The following OCIAD1 variants were observed in gnomAD, a reference collection of about 807,000 sequenced individuals.
The protein encoded by OCIAD1 is OCIA domain-containing protein 1.
OCIAD1 carries 29 observed loss-of-function variants against 38.9 expected under a neutral mutation model. The observed-to-expected ratio is 0.74, with a 90% CI of 0.55 to 1.02. The LOEUF is 1.02. OCIAD1 is among the 50% of genes least tolerant of loss of function. The pLI, the probability that OCIAD1 is intolerant of heterozygous loss-of-function variation, is 0.00. For missense variants in OCIAD1, 288 were observed against 289.6 expected, an observed-to-expected ratio of 0.99 and a Z score of 0.04; for synonymous variants, 110 against 92.0, an observed-to-expected ratio of 1.20 and a Z score of -1.12.
intron 1 of OCIAD1, among the ~76,000 whole-genome samples, chr4:48,823,164 G>A (rs572697818): frequency 1.3e-5 from 2 of 152,214 alleles, no homozygotes; most frequent in South Asian, 4.1e-4. Flanking sequence ...TGATAGACCG[G>A]ATAAAGAAAA....
chr4:48,846,506 T>C (rs1388774684), intron 4 of OCIAD1, among the ~76,000 whole-genome samples: 1 of 152,116 alleles, frequency 6.6e-6, no homozygotes, highest in African/African-American at 2.4e-5. Context: ...CCCAGCACTT[T>C]GGGAGGCTGA....
Position 48,860,710 on chromosome 4 carries a change from A to G in OCIAD1, c.701-15A>G, listed in dbSNP as rs1210879542. 3.2e-6 allele frequency: 5 copies of G among 1,559,704 alleles called. No homozygotes were observed. Among genetic ancestry groups the G allele is most frequent in the African/African-American group, 2.7e-5 (2 of 73,708 alleles). ...TATTGCTTGGAATCATCAATTATTT[A>G]TGCTTTTTTCCTAGTCAAAGTAAAC... On this transcript the variant is annotated splice_polypyrimidine_tract_variant and intron_variant, in intron 8 of 8. Coordinates refer to ENST00000264312, the MANE Select transcript of OCIAD1 (RefSeq NM_017830.4).
intron 1 of OCIAD1, among the ~76,000 whole-genome samples, chr4:48,809,343 G>A (rs999906111): frequency 9.9e-5 from 15 of 152,020 alleles, no homozygotes; most frequent in African/African-American, 3.1e-4. Context: ...CCAACTTGGC[G>A]AAACCCCATC....
chr4:48,811,679 G>A (rs1777089656), intron 1 of OCIAD1, among the ~76,000 whole-genome samples: 1 of 152,124 alleles, frequency 6.6e-6, no homozygotes, highest in Non-Finnish European at 1.5e-5. Context: ...ATAATGAGAA[G>A]GGATCAGATT....
At chr4:48,811,107 T>C (rs1777085430) in intron 1 of OCIAD1, among the ~76,000 whole-genome samples, 1 of 152,114 alleles carries the variant, frequency 6.6e-6, no homozygotes, top group African/African-American at 2.4e-5. Context: ...TCCATCCACC[T>C]TGGACTCCCA....
intron 8 of OCIAD1, 97 bp from the exon 9 acceptor site, chr4:48,860,628 G>A (rs1016027986): frequency 9.6e-6 from 9 of 937,190 alleles, no homozygotes; most frequent in Non-Finnish European, 1.6e-5. Flanking sequence ...ATTCAAATGA[G>A]AGAGAAACAT....
At chr4:48,810,068 T>C (rs1444696527) in intron 1 of OCIAD1, among the ~76,000 whole-genome samples, 1 of 152,154 alleles carries the variant, frequency 6.6e-6, no homozygotes, top group Non-Finnish European at 1.5e-5. Flanking sequence ...CTAAATGAAA[T>C]GATACATGTA....
chr4:48,817,394 G>T (rs1448474830), intron 1 of OCIAD1, among the ~76,000 whole-genome samples: 3 of 151,444 alleles, frequency 2.0e-5, no homozygotes, highest in Non-Finnish European at 2.9e-5. Flanking sequence ...TGGCACCTGG[G>T]ACTGTGCTAC....
intron 6 of OCIAD1, among the ~76,000 whole-genome samples, chr4:48,851,576 AG>A (rs1338033269): frequency 1.3e-5 from 2 of 152,006 alleles, no homozygotes; most frequent in African/African-American, 4.8e-5. Flanking sequence ...TGGGAAGCTG[AG>A]GGGTAGGAGG....
chr4:48,842,788 CAT>C (rs1430698142), intron 4 of OCIAD1, 99 bp downstream of exon 4: 2 of 629,024 alleles, frequency 3.2e-6, no homozygotes, highest in East Asian at 3.0e-5. Flanking sequence ...AACAATGTAT[CAT>C]ATTAAACACT....
chr4:48,828,159 T>C (rs1204142264), upstream of OCIAD1, among the ~76,000 whole-genome samples: 2 of 152,116 alleles, frequency 1.3e-5, no homozygotes, highest in East Asian at 1.9e-4. Flanking sequence ...ACCCTATGTC[T>C]AGCTCAAGGT....
intron 7 of OCIAD1, among the ~76,000 whole-genome samples, chr4:48,852,992 G>A (rs1404702250): frequency 6.7e-6 from 1 of 148,376 alleles, no homozygotes; most frequent in Non-Finnish European, 1.5e-5. Flanking sequence ...ACGCCATTCT[G>A]CCTCAGTCTC....
At chr4:48,822,680 A>G (rs1439794426) in intron 1 of OCIAD1, among the ~76,000 whole-genome samples, 1 of 152,216 alleles carries the variant, frequency 6.6e-6, no homozygotes, top group Non-Finnish European at 1.5e-5. Context: ...TCTATAAGGA[A>G]CTTAAATTTA....
Position 48,848,388 on chromosome 4 carries a change from C to A in OCIAD1, c.194-11C>A. 1 of 1,390,706 alleles carries A rather than the reference C, an allele frequency of 7.2e-7. No homozygotes were observed. The highest frequency in any genetic ancestry group is 1.2e-5 in the South Asian group (1 of 83,246). 86.1% of individuals were successfully genotyped at this position (1,390,706 alleles called of 1,614,324 possible). On this transcript the variant is annotated splice_polypyrimidine_tract_variant and intron_variant, in intron 4 of 8. Transcript: ENST00000264312. ...CAGTGTTACTCAGAAATACTTAACTCTTTTCTTTAGGAATACTTTCAAGTC... is the reference window on the plus strand; with the variant it reads ...CAGTGTTACTCAGAAATACTTAACTATTTTCTTTAGGAATACTTTCAAGTC...
chr4:48,838,883 T>C (rs1056733582), intron 3 of OCIAD1, among the ~76,000 whole-genome samples: 1 of 151,724 alleles, frequency 6.6e-6, no homozygotes, highest in African/African-American at 2.4e-5. Context: ...GAAATATAAC[T>C]ATGAAGGCAT....
upstream of OCIAD1, among the ~76,000 whole-genome samples, chr4:48,829,472 T>C (rs1390021471): frequency 6.6e-6 from 1 of 152,206 alleles, no homozygotes; most frequent in African/African-American, 2.4e-5. Flanking sequence ...CAAATACGGC[T>C]CCTACTGTCA....
intron 4 of OCIAD1, among the ~76,000 whole-genome samples, chr4:48,844,615 CA>C (rs887059530): frequency 1.3e-5 from 2 of 151,042 alleles, no homozygotes; most frequent in African/African-American, 2.4e-5. Flanking sequence ...GACTCTGTCT[CA>C]AAAAAAAGGT....
chr4:48,822,268 A>C (rs1213587612), intron 1 of OCIAD1, among the ~76,000 whole-genome samples: 1 of 152,226 alleles, frequency 6.6e-6, no homozygotes, highest in Non-Finnish European at 1.5e-5. Context: ...ATCTTCAACA[A>C]ACCTGACAAA....
intron 7 of OCIAD1, among the ~76,000 whole-genome samples, chr4:48,854,941 T>A (rs1779885820): frequency 6.6e-6 from 1 of 152,250 alleles, no homozygotes; most frequent in East Asian, 1.9e-4. Flanking sequence ...TAGATTTAAA[T>A]CAGTGCCACT....
Sources: gnomAD v4.1 joint callset for allele counts (sites outside exome capture counted in the v4.1 genomes callset) on GRCh38, gnomAD v4.1.1 for gene constraint, MANE v1.5 for transcripts, NCBI Gene and HGNC (gene_info 2026-07-23, HGNC 2026-07-21) for gene names.